The following HACE1 variants were observed in gnomAD, a reference collection of about 807,000 sequenced individuals.
HACE1 encodes HECT domain and ankyrin repeat containing E3 ubiquitin protein ligase 1.
HACE1 carries 73 observed loss-of-function variants against 118.4 expected under a neutral mutation model. The ratio of observed to expected loss-of-function variants is 0.62; its 90% CI spans 0.51 to 0.75. HACE1 has a LOEUF of 0.75. Ranked by LOEUF, HACE1 falls within the 30% of genes least tolerant of loss-of-function variation. The pLI, the probability that HACE1 is intolerant of heterozygous loss-of-function variation, is 0.00. For missense variants in HACE1, 749 were observed against 1,102.2 expected (o/e 0.68, Z 4.54); for synonymous variants, 368 against 374.8 (o/e 0.98, Z 0.21).
intron 6 of HACE1, among the ~76,000 whole-genome samples, chr6:104,832,100 T>C (rs998387680): frequency 6.6e-6 from 1 of 151,768 alleles, no homozygotes. Flanking sequence ...AGTAGAAAAA[T>C]AGGATAACCT....
chr6:104,796,449 G>T (rs1769642009), intron 9 of HACE1, among the ~76,000 whole-genome samples: 1 of 152,062 alleles, frequency 6.6e-6, no homozygotes, highest in African/African-American at 2.4e-5. Flanking sequence ...GACCCAGAGG[G>T]CAGAAGATTT....
chr6:104,785,175 G>C lies in HACE1; in HGVS notation c.1219C>G (p.Pro407Ala), dbSNP rs2114797935. ...CTCCCAGGTCCTGGAGGTTCAAATG[G>C]AGGAATGGAAGCAGCATCTTGATCT... ...GQDQDAASIP[P>A]FEPPGPGSYE... is the part of the protein sequence containing the mutation. The change falls in exon 12 of 24, where the codon CCA becomes GCA. Residue 407 changes from proline to alanine, a missense_variant. Transcript: ENST00000262903. 1 of 1,614,022 alleles carries C rather than the reference G, an allele frequency of 6.2e-7. No individual in the cohort carries two copies. Among genetic ancestry groups the C allele is most frequent in the Non-Finnish European group, 8.5e-7 (1 of 1,179,946 alleles).
At chr6:104,761,162 T>A (rs547419979) in intron 19 of HACE1, among the ~76,000 whole-genome samples, 3 of 152,326 alleles carry the variant, frequency 2.0e-5, no homozygotes, top group African/African-American at 7.2e-5. Flanking sequence ...TCCATCAAGC[T>A]ACCATTCACT....
At chr6:104,798,917 T>G (rs1769990178) in intron 7 of HACE1, among the ~76,000 whole-genome samples, 1 of 152,206 alleles carries the variant, frequency 6.6e-6, no homozygotes, top group Non-Finnish European at 1.5e-5. Context: ...TTTTTCCAAT[T>G]AAATTGTAAA....
At chr6:104,780,394 G>C (rs1271787246) in intron 14 of HACE1, 1 of 442,574 alleles carries the variant, frequency 2.3e-6, no homozygotes, top group African/African-American at 2.0e-5. Flanking sequence ...ACTGATTATA[G>C]AGGCTCCTCT....
intron 19 of HACE1, among the ~76,000 whole-genome samples, chr6:104,751,337 A>T (rs551068702): frequency 6.6e-6 from 1 of 152,378 alleles, no homozygotes; most frequent in East Asian, 1.9e-4. Context: ...TTCACTTAAC[A>T]CATACTTAGA....
intron 19 of HACE1, among the ~76,000 whole-genome samples, chr6:104,758,796 G>A (rs920700401): frequency 2.6e-5 from 4 of 151,864 alleles, no homozygotes; most frequent in Middle Eastern, 6.3e-3. Flanking sequence ...CTGTATTCAG[G>A]AGACCCATCT....
intron 11 of HACE1, 52 bp downstream of exon 11, chr6:104,791,452 A>G (rs1443178789): frequency 6.7e-7 from 1 of 1,492,958 alleles, no homozygotes; most frequent in Admixed American, 1.7e-5. Flanking sequence ...TGCTTTGTCA[A>G]ATTCATCTCT....
intron 6 of HACE1, among the ~76,000 whole-genome samples, chr6:104,832,357 T>C (rs537069080): frequency 1.3e-5 from 2 of 150,888 alleles, no homozygotes; most frequent in Admixed American, 1.3e-4. Context: ...TTTGAACAGA[T>C]ATAAAAGCAC....
At chr6:104,810,934 G>T (rs1268187148) in intron 7 of HACE1, among the ~76,000 whole-genome samples, 1 of 151,900 alleles carries the variant, frequency 6.6e-6, no homozygotes, top group East Asian at 1.9e-4. Flanking sequence ...CACAGTAAAC[G>T]ATGGGAATTA....
At chr6:104,840,285 T>C (rs1319600653) in intron 5 of HACE1, among the ~76,000 whole-genome samples, 7 of 152,220 alleles carry the variant, frequency 4.6e-5, no homozygotes, top group Non-Finnish European at 1.0e-4. Context: ...TTGGCTTAAC[T>C]ATGAATAGTT....
intron 7 of HACE1, among the ~76,000 whole-genome samples, chr6:104,797,340 A>C (rs1004683978): frequency 6.6e-6 from 1 of 150,726 alleles, no homozygotes; most frequent in African/African-American, 2.4e-5. Context: ...TTCACTTCCT[A>C]ATCCCTCTCT....
At position 104,856,362 on chromosome 6, in the gene HACE1, T is replaced by C. The variant is rs74765564; in HGVS notation, c.76+3205A>G. 5.5e-3 allele frequency among the ~76,000 whole-genome samples: 844 copies of C among 152,298 alleles called. 11 individuals are homozygous for C. The highest frequency in any genetic ancestry group is 0.02 in the African/African-American group (816 of 41,572). On this transcript the variant is annotated intron_variant, in intron 1 of 23. Transcript: ENST00000262903. Reference sequence around the variant, plus strand: ...AAAATGGGCTCAAATTTTATTATTTTATTAAACAAACTGCATTCACTATAT... The same window carrying C: ...AAAATGGGCTCAAATTTTATTATTTCATTAAACAAACTGCATTCACTATAT...
intron 6 of HACE1, among the ~76,000 whole-genome samples, chr6:104,819,587 T>A (rs1035239148): frequency 6.6e-6 from 1 of 152,092 alleles, no homozygotes; most frequent in Non-Finnish European, 1.5e-5. Context: ...GACACGGCAA[T>A]CCTAAGCAGA....
At chr6:104,845,232 T>C (rs1253355665) in intron 4 of HACE1, among the ~76,000 whole-genome samples, 2 of 152,104 alleles carry the variant, frequency 1.3e-5, no homozygotes, top group Non-Finnish European at 2.9e-5. Context: ...GATTATATCA[T>C]ATTTCTTTAA....
rs530050424 is a variant in HACE1, at chr6:104,757,543, CA to C, written c.2212-7072del. Among the ~76,000 whole-genome samples the C allele has an allele frequency of 8.5e-5, 13 of 152,254 alleles. No homozygotes were observed. The South Asian group carries it at 2.7e-3, about 32-fold the overall frequency. On this transcript the variant is annotated intron_variant, in intron 19 of 23. Transcript: ENST00000262903. ...CCACACCAAAACCCCATCTATAGGT[CA>C]CAAACATCAAAGCCAAAGGTAGATA...
intron 22 of HACE1, chr6:104,731,431 C>G (rs1262149911): frequency 1.3e-5 from 2 of 151,020 alleles, no homozygotes; most frequent in African/African-American, 4.9e-5. Flanking sequence ...AAAAAAAGAA[C>G]AAAGGTGGCA....
chr6:104,820,732 C>T (rs1433687790), intron 6 of HACE1, among the ~76,000 whole-genome samples: 2 of 152,154 alleles, frequency 1.3e-5, no homozygotes, highest in Admixed American at 6.5e-5. Flanking sequence ...GGCTTAAACA[C>T]CGTTGGTGGG....
intron 16 of HACE1, 61 bp downstream of exon 16, chr6:104,776,952 A>T (rs1449977489): frequency 1.5e-6 from 2 of 1,317,688 alleles, no homozygotes; most frequent in East Asian, 4.6e-5. Flanking sequence ...ACTTTATTCA[A>T]AAGGCATTTC....
Sources: gnomAD v4.1 joint callset for allele counts (sites outside exome capture counted in the v4.1 genomes callset) on GRCh38, gnomAD v4.1.1 for gene constraint, MANE v1.5 for transcripts, NCBI Gene and HGNC (gene_info 2026-07-23, HGNC 2026-07-21) for gene names.